Variants in LOC128125817 observed in about 807,000 individuals in gnomAD.
the LOC128125817 span, among the ~76,000 whole-genome samples, chr1:41,602,587 T>G: frequency 2.0e-5 from 3 of 152,124 alleles, no homozygotes; most frequent in Non-Finnish European, 4.4e-5. Context: ...TGATGTCTCT[T>G]CTTTAATTTA....
chr1:41,609,055 G>A, the LOC128125817 span, among the ~76,000 whole-genome samples: 14,147 of 150,874 alleles, frequency 0.094, 711 homozygotes, highest in Middle Eastern at 0.18. Flanking sequence ...GTGAAACTCC[G>A]TCTCAATAAA....
At chr1:41,623,492 A>G in the LOC128125817 span, among the ~76,000 whole-genome samples, 1 of 152,228 alleles carries the variant, frequency 6.6e-6, no homozygotes, top group Non-Finnish European at 1.5e-5. Flanking sequence ...TCCCTTTTCT[A>G]TGGGGTGAGC....
the LOC128125817 span, among the ~76,000 whole-genome samples, chr1:41,600,142 A>T: frequency 1.4e-4 from 21 of 152,218 alleles, no homozygotes; most frequent in Non-Finnish European, 7.4e-5. Flanking sequence ...TGCAGCCTCT[A>T]TGGAAAACAC....
the LOC128125817 span, among the ~76,000 whole-genome samples, chr1:41,606,207 G>A: frequency 2.1e-3 from 324 of 151,884 alleles, 1 homozygote; most frequent in South Asian, 4.8e-3. Context: ...ACCAATTTTT[G>A]GTGGTTCTGG....
At chr1:41,591,987 T>A in the LOC128125817 span, among the ~76,000 whole-genome samples, 1 of 152,166 alleles carries the variant, frequency 6.6e-6, no homozygotes, top group Non-Finnish European at 1.5e-5. Flanking sequence ...GAGCAGGTGC[T>A]GCCTGACGCT....
chr1:41,594,808 C>T, the LOC128125817 span, among the ~76,000 whole-genome samples: 2 of 152,144 alleles, frequency 1.3e-5, no homozygotes, highest in Non-Finnish European at 2.9e-5. Flanking sequence ...GAATGTCACC[C>T]AAATTTTCTT....
the LOC128125817 span, among the ~76,000 whole-genome samples, chr1:41,605,377 A>ACG: frequency 6.7e-5 from 5 of 74,362 alleles, no homozygotes; most frequent in South Asian, 1.8e-3. Context: ...GCACACGCGC[A>ACG]CACACACACA....
chr1:41,589,185 G>C, the LOC128125817 span, among the ~76,000 whole-genome samples: 3 of 152,174 alleles, frequency 2.0e-5, no homozygotes, highest in Non-Finnish European at 4.4e-5. Flanking sequence ...CAGAGAAATG[G>C]GCCCAGGAGC....
the LOC128125817 span, among the ~76,000 whole-genome samples, chr1:41,594,459 G>C: frequency 3.3e-5 from 5 of 152,220 alleles, no homozygotes; most frequent in East Asian, 7.7e-4. Flanking sequence ...CTGACCTCAA[G>C]TGATCCCCTG....
the LOC128125817 span, among the ~76,000 whole-genome samples, chr1:41,619,622 TGGCTGG>T: frequency 6.6e-6 from 1 of 152,118 alleles, no homozygotes; most frequent in Admixed American, 6.5e-5. Flanking sequence ...ATGGTGATGG[TGGCTGG>T]GGTGTCACCT....
chr1:41,601,496 G>A, the LOC128125817 span, among the ~76,000 whole-genome samples: 1 of 151,852 alleles, frequency 6.6e-6, no homozygotes, highest in African/African-American at 2.4e-5. Flanking sequence ...CCTAAGTATT[G>A]TTTTAGGTGT....
At chr1:41,589,821 C>T in the LOC128125817 span, among the ~76,000 whole-genome samples, 36 of 152,352 alleles carry the variant, frequency 2.4e-4, no homozygotes, top group African/African-American at 8.4e-4. Flanking sequence ...CTTACACACA[C>T]ACACCCCCAC....
At chr1:41,628,749 C>T in the LOC128125817 span, 3 of 1,232,092 alleles carry the variant, frequency 2.4e-6, no homozygotes, top group African/African-American at 1.6e-5. Flanking sequence ...CATTTCCTAC[C>T]TGTGCTGAAG....
At chr1:41,617,186 TAA>T in the LOC128125817 span, among the ~76,000 whole-genome samples, 1 of 152,182 alleles carries the variant, frequency 6.6e-6, no homozygotes, top group Admixed American at 6.5e-5. Flanking sequence ...ATATTTTTTG[TAA>T]GTTTTCCTAC....
chr1:41,593,978 C>G, the LOC128125817 span, among the ~76,000 whole-genome samples: 1 of 152,184 alleles, frequency 6.6e-6, no homozygotes, highest in Non-Finnish European at 1.5e-5. Context: ...TAACAGCCAG[C>G]CGCATCTTTC....
chr1:41,608,211 G>A, the LOC128125817 span, among the ~76,000 whole-genome samples: 8 of 152,218 alleles, frequency 5.3e-5, no homozygotes, highest in African/African-American at 1.9e-4. Flanking sequence ...CTGCAGGAGG[G>A]TGAAGCAGTG....
the LOC128125817 span, among the ~76,000 whole-genome samples, chr1:41,594,327 A>G: frequency 1.4e-4 from 22 of 152,170 alleles, no homozygotes; most frequent in African/African-American, 5.3e-4. Flanking sequence ...GGTTCATGCA[A>G]TTCTCCTGCC....
At chr1:41,618,596 C>T in the LOC128125817 span, among the ~76,000 whole-genome samples, 22 of 152,170 alleles carry the variant, frequency 1.4e-4, no homozygotes, top group African/African-American at 3.9e-4. Context: ...CTTTCCCTTT[C>T]GGTGGTGTCT....
chr1:41,610,172 C>T, the LOC128125817 span, among the ~76,000 whole-genome samples: 3 of 152,206 alleles, frequency 2.0e-5, no homozygotes, highest in African/African-American at 7.2e-5. Flanking sequence ...TCTGTATACA[C>T]ACACACACCA....
Sources: allele counts gnomAD v4.1 joint callset (sites outside exome capture counted in the v4.1 genomes callset), GRCh38; gene constraint gnomAD v4.1.1; transcripts MANE v1.5.